Variants in BIRC6 observed in about 807,000 individuals in gnomAD.
The protein encoded by BIRC6 is dual E2 ubiquitin-conjugating enzyme/E3 ubiquitin-protein ligase BIRC6.
BIRC6 carries 98 observed loss-of-function variants against 503.3 expected under a neutral mutation model. The ratio of observed to expected loss-of-function variants is 0.19; its 90% confidence interval spans 0.17 to 0.23. The LOEUF is 0.23. Among genes scored for constraint, BIRC6 ranks in the 10% least tolerant of loss-of-function variants. The probability of loss-of-function intolerance (pLI) is 1.00; values close to 1 mark genes in which losing one functional copy is unlikely to be tolerated. For missense variants in BIRC6, 5,360 were observed against 5,806.0 expected (o/e 0.92, Z 2.50); for synonymous variants, 2,240 against 2,078.7 (o/e 1.08, Z -2.11).
At position 32,479,605 on chromosome 2, in the gene BIRC6, C is replaced by T. The variant is rs1296601752; in HGVS notation, c.7396C>T (p.His2466Tyr). 1 of 1,604,088 alleles carries T rather than the reference C, an allele frequency of 6.2e-7. No homozygotes were observed. Among genetic ancestry groups the T allele is most frequent in the Non-Finnish European group, 8.5e-7 (1 of 1,173,704 alleles). ...LLETIDEPLT[H>Y]DITGAPPLSS... ...GGAAACTATAGATGAACCTTTGACACATGACATAACAGGTAAAGTTTTACA... is the reference window on the plus strand; with the variant it reads ...GGAAACTATAGATGAACCTTTGACATATGACATAACAGGTAAAGTTTTACA... Residue 2466 changes from histidine to tyrosine, a missense_variant, in exon 37 of 74, where the codon CAT (histidine) becomes TAT (tyrosine). This residue lies in a region of BIRC6 where 2,299 missense variants were observed against 2,267.2 expected (regional missense o/e 1.01). Coordinates refer to ENST00000421745, the MANE Select transcript of BIRC6 (RefSeq NM_016252.4).
chr2:32,453,996 G>C, intron 23 of BIRC6, 54 bp downstream of exon 23: 1 of 1,331,584 alleles, frequency 7.5e-7, no homozygotes, highest in Non-Finnish European at 1.0e-6. Flanking sequence ...CAGTAATAAA[G>C]TGATATTTAT....
rs145696205 is a variant in BIRC6 at position 32,524,118 on chromosome 2, A to G, written c.11624-770A>G. On this transcript the variant is annotated intron_variant, in intron 57 of 73. Transcript: ENST00000421745. ...AAAAATTAAAATTTCAAATCAATTC[A>G]TTCAGCCTTTAAATTTCTTAATAAC... Among the ~76,000 whole-genome samples the G allele has an allele frequency of 8.1e-4, 124 of 152,244 alleles. 7 individuals are homozygous for G. In the East Asian group the frequency reaches 0.019, roughly 24 times the overall value.
chr2:32,439,364 C>A, intron 15 of BIRC6, 144 bp from the exon 16 acceptor site: 2 of 775,612 alleles, frequency 2.6e-6, no homozygotes. Context: ...GTTCAACTTT[C>A]TTCTGCTCAA....
chr2:32,575,345 A>G lies in BIRC6; in HGVS notation c.13334A>G (p.Asp4445Gly), dbSNP rs759120442. Residue 4445 changes from aspartate to glycine, a missense_variant, in exon 66 of 74, where the codon GAT (aspartate) becomes GGT (glycine). By Grantham distance (94) the Asp-to-Gly change is moderately conservative (BLOSUM62 -1). Coordinates refer to ENST00000421745, the MANE Select transcript of BIRC6 (RefSeq NM_016252.4). ...TLLAKMKTCV[D>G]TYTNRLRSKR... ...TTAGCCAAAATGAAGACCTGTGTTG[A>G]TACCTATACCAACCGTTTAAGGTAC... The G allele has an allele frequency of 1.2e-6, 2 of 1,613,948 alleles. No individual in the cohort carries two copies. The highest frequency in any genetic ancestry group is 1.3e-5 in the African/African-American group (1 of 75,032).
chr2:32,562,688 C>A (rs2059277726), intron 65 of BIRC6, among the ~76,000 whole-genome samples: 1 of 152,180 alleles, frequency 6.6e-6, no homozygotes, highest in South Asian at 2.1e-4. Flanking sequence ...TAGTTGTAAT[C>A]ATAAGATCTA....
intron 57 of BIRC6, among the ~76,000 whole-genome samples, chr2:32,520,079 C>G (rs1051813791): frequency 2.6e-5 from 4 of 152,028 alleles, no homozygotes; most frequent in African/African-American, 9.7e-5. Flanking sequence ...AAGAAGGGAC[C>G]TAAGTTTTTA....
chr2:32,463,880 A>G (rs2048257678), intron 24 of BIRC6, among the ~76,000 whole-genome samples: 1 of 152,182 alleles, frequency 6.6e-6, no homozygotes, highest in African/African-American at 2.4e-5. Flanking sequence ...GTGGGCAAGC[A>G]AGCACCACCT....
intron 22 of BIRC6, among the ~76,000 whole-genome samples, chr2:32,452,173 A>G (rs951862849): frequency 2.6e-5 from 4 of 152,146 alleles, no homozygotes; most frequent in African/African-American, 9.7e-5. Context: ...GTTTTCACCC[A>G]CTTCTGCTAA....
At chr2:32,413,204 T>C (rs2042076245) in intron 9 of BIRC6, among the ~76,000 whole-genome samples, 1 of 138,808 alleles carries the variant, frequency 7.2e-6, no homozygotes, top group African/African-American at 2.7e-5. Context: ...TTTTGAGACA[T>C]AGTCTCACTC....
intron 37 of BIRC6, among the ~76,000 whole-genome samples, chr2:32,480,084 G>A (rs1469343603): frequency 6.6e-6 from 1 of 151,786 alleles, no homozygotes; most frequent in African/African-American, 2.4e-5. Context: ...ATCTGTATAT[G>A]TCAGATGCTG....
chr2:32,358,908 C>G (rs796986391), intron 1 of BIRC6, among the ~76,000 whole-genome samples: 9 of 152,306 alleles, frequency 5.9e-5, no homozygotes, highest in African/African-American at 2.2e-4. Flanking sequence ...GACATAATGG[C>G]TTCTCACTGT....
At chr2:32,603,613 G>C (rs1470602542) in intron 71 of BIRC6, among the ~76,000 whole-genome samples, 3 of 152,076 alleles carry the variant, frequency 2.0e-5, no homozygotes, top group Non-Finnish European at 4.4e-5. Context: ...CCAGCTACTA[G>C]GAGGCGCCTC....
At position 32,469,462 on chromosome 2, in the gene BIRC6, C is replaced by A; in HGVS notation, c.6195C>A (p.His2065Gln). ...AGGCCTGTGAAGAGCTCTTTAAACA[C>A]TTGTGCATCAGTGGAACCCCAAAGA... ...HAQACEELFK[H>Q]LCISGTPKIR... Residue 2065 changes from histidine (H) to glutamine (Q), a missense_variant, in exon 30 of 74, where the codon CAC becomes CAA. His to Gln is a conservative substitution (Grantham distance 24, BLOSUM62 0). Coordinates refer to ENST00000421745, the MANE Select transcript of BIRC6 (RefSeq NM_016252.4). The A allele has an allele frequency of 6.2e-7, 1 of 1,613,904 alleles. No homozygotes were observed. Among genetic ancestry groups the A allele is most frequent in the South Asian group, 1.1e-5 (1 of 91,080 alleles).
At chr2:32,401,831 A>G (rs2040627900) in intron 8 of BIRC6, among the ~76,000 whole-genome samples, 1 of 152,226 alleles carries the variant, frequency 6.6e-6, no homozygotes, top group Non-Finnish European at 1.5e-5. Flanking sequence ...AATATGCTTA[A>G]CTTTCTATCA....
At chr2:32,568,392 G>GC (rs2059679857) in intron 65 of BIRC6, among the ~76,000 whole-genome samples, 1 of 146,820 alleles carries the variant, frequency 6.8e-6, no homozygotes, top group Non-Finnish European at 1.5e-5. Context: ...GCTCTGGAAT[G>GC]TGAGGCAGGA....
chr2:32,386,123 A>G (rs2038423123), intron 3 of BIRC6, among the ~76,000 whole-genome samples: 1 of 152,236 alleles, frequency 6.6e-6, no homozygotes, highest in African/African-American at 2.4e-5. Context: ...TAGGATGATC[A>G]GGATTTCTAG....
At chr2:32,403,967 G>A (rs1052683566) in intron 8 of BIRC6, among the ~76,000 whole-genome samples, 29 of 146,236 alleles carry the variant, frequency 2.0e-4, no homozygotes, top group Non-Finnish European at 3.0e-4. Context: ...TCACCCTGTC[G>A]CCCAGGTTAG....
At chr2:32,521,468 T>C (rs1189354788) in intron 57 of BIRC6, among the ~76,000 whole-genome samples, 1 of 151,050 alleles carries the variant, frequency 6.6e-6, no homozygotes. Flanking sequence ...CTCTGTTTTT[T>C]TTGTTTTTTG....
chr2:32,597,697 G>A, intron 68 of BIRC6, 54 bp from the exon 69 acceptor site: 1 of 1,325,410 alleles, frequency 7.5e-7, no homozygotes, highest in East Asian at 2.3e-5. Context: ...TGTGATTTTT[G>A]TCATTATAAC....
Sources: gnomAD v4.1 joint callset for allele counts (sites outside exome capture counted in the v4.1 genomes callset) on GRCh38, gnomAD v4.1.1 for gene constraint, gnomAD v4.1.1 regional missense constraint, MANE v1.5 for transcripts, NCBI Gene and HGNC (gene_info 2026-07-23, HGNC 2026-07-21) for gene names.